NXPH1: variants seen among roughly 807,000 people sequenced by gnomAD.
NXPH1 encodes neurexophilin-1.
Under a neutral mutation model 23.7 loss-of-function variants are expected in NXPH1, and 5 were observed. The observed-to-expected ratio is 0.21, with a 90% CI of 0.11 to 0.44. The LOEUF (loss-of-function observed/expected upper bound fraction) is 0.44, where lower values mean the gene tolerates loss of function less well. Ranked by LOEUF, NXPH1 falls within the 20% of genes least tolerant of loss-of-function variation. NXPH1 has a pLI of 0.99. For synonymous variants in NXPH1, 144 were observed against 122.2 expected (o/e 1.18, Z -1.18); for missense variants, 324 against 321.6 (o/e 1.01, Z -0.06).
chr7:8,584,127 T>C (rs192555136), intron 2 of NXPH1, among the ~76,000 whole-genome samples: 4 of 152,350 alleles, frequency 2.6e-5, no homozygotes, highest in Non-Finnish European at 5.9e-5. Context: ...AGGTAAGTAC[T>C]ATTATTATCC....
chr7:8,715,361 C>T (rs1779860965), intron 2 of NXPH1, among the ~76,000 whole-genome samples: 1 of 152,154 alleles, frequency 6.6e-6, no homozygotes, highest in Non-Finnish European at 1.5e-5. Context: ...CTCTTCAGTG[C>T]CTCTTTCAGT....
chr7:8,730,177 G>C (rs1306239520), intron 2 of NXPH1, among the ~76,000 whole-genome samples: 1 of 147,488 alleles, frequency 6.8e-6, no homozygotes, highest in African/African-American at 2.5e-5. Flanking sequence ...GCCTTTTTTT[G>C]TTTTCCATTT....
chr7:8,598,722 G>C (rs182471091), intron 2 of NXPH1, among the ~76,000 whole-genome samples: 1 of 152,136 alleles, frequency 6.6e-6, no homozygotes, highest in South Asian at 2.1e-4. Context: ...TTATTGTCAT[G>C]ATCTGCAGGG....
intron 2 of NXPH1, among the ~76,000 whole-genome samples, chr7:8,544,967 T>C (rs1432040501): frequency 6.6e-6 from 1 of 151,594 alleles, no homozygotes; most frequent in Non-Finnish European, 1.5e-5. Flanking sequence ...AGCGTGACCT[T>C]AACAGAATAG....
At chr7:8,704,648 A>G (rs1003198216) in intron 2 of NXPH1, among the ~76,000 whole-genome samples, 17 of 152,184 alleles carry the variant, frequency 1.1e-4, no homozygotes, top group Non-Finnish European at 2.4e-4. Flanking sequence ...GCCAATTAGC[A>G]TGGAGCATTT....
chr7:8,470,680 G>GGCAT (rs1391823704), intron 2 of NXPH1, among the ~76,000 whole-genome samples: 1 of 152,118 alleles, frequency 6.6e-6, no homozygotes, highest in Non-Finnish European at 1.5e-5. Context: ...CTCTTGCTTA[G>GGCAT]GCATTTCATA....
At chr7:8,466,777 A>G (rs1816793261) in intron 2 of NXPH1, among the ~76,000 whole-genome samples, 1 of 152,106 alleles carries the variant, frequency 6.6e-6, no homozygotes. Context: ...CTTGTCTTGA[A>G]AATTTACTTT....
chr7:8,634,673 T>G (rs934444787), intron 2 of NXPH1, among the ~76,000 whole-genome samples: 12 of 141,596 alleles, frequency 8.5e-5, no homozygotes, highest in Admixed American at 4.9e-4. Flanking sequence ...GAGTTTTTTT[T>G]TTTTTTTTTT....
chr7:8,478,611 T>G (rs1817016602), intron 2 of NXPH1, among the ~76,000 whole-genome samples: 1 of 152,088 alleles, frequency 6.6e-6, no homozygotes, highest in South Asian at 2.1e-4. Flanking sequence ...AAGAAAACTT[T>G]CCAGAAATAA....
intron 2 of NXPH1, among the ~76,000 whole-genome samples, chr7:8,571,510 T>G (rs1818647426): frequency 6.6e-6 from 1 of 151,670 alleles, no homozygotes; most frequent in Non-Finnish European, 1.5e-5. Flanking sequence ...AGAAATGGAT[T>G]GAGGAAAAAG....
intron 2 of NXPH1, among the ~76,000 whole-genome samples, chr7:8,509,837 C>A (rs1164686877): frequency 6.6e-6 from 1 of 152,078 alleles, no homozygotes; most frequent in Non-Finnish European, 1.5e-5. Flanking sequence ...GTGTGGTGAG[C>A]AATGGGAAGC....
intron 2 of NXPH1, among the ~76,000 whole-genome samples, chr7:8,719,950 A>T (rs1341839378): frequency 2.6e-5 from 4 of 152,288 alleles, no homozygotes; most frequent in Middle Eastern, 3.4e-3. Context: ...AGAATAAGAA[A>T]ATTTAGATTC....
intron 2 of NXPH1, among the ~76,000 whole-genome samples, chr7:8,510,687 G>A (rs1474061817): frequency 2.0e-5 from 3 of 152,052 alleles, no homozygotes; most frequent in Non-Finnish European, 4.4e-5. Context: ...ATAATGTATA[G>A]GAATAGGTAA....
At chr7:8,573,277 T>G (rs1472310499) in intron 2 of NXPH1, among the ~76,000 whole-genome samples, 1 of 152,130 alleles carries the variant, frequency 6.6e-6, no homozygotes, top group Non-Finnish European at 1.5e-5. Flanking sequence ...TGGGTTTTTA[T>G]GTACTGATAA....
intron 2 of NXPH1, among the ~76,000 whole-genome samples, chr7:8,729,837 C>T (rs887917242): frequency 6.6e-6 from 1 of 151,632 alleles, no homozygotes; most frequent in East Asian, 1.9e-4. Flanking sequence ...GTGGAGAGTT[C>T]TGTAGATGTC....
intron 2 of NXPH1, among the ~76,000 whole-genome samples, chr7:8,483,563 C>T (rs932756785): frequency 5.3e-4 from 80 of 152,148 alleles, no homozygotes; most frequent in African/African-American, 1.9e-3. Flanking sequence ...CCCAGCTCAG[C>T]CTCCCAAACG....
At chr7:8,514,056 T>C (rs1817653677) in intron 2 of NXPH1, among the ~76,000 whole-genome samples, 1 of 152,124 alleles carries the variant, frequency 6.6e-6, no homozygotes, top group Non-Finnish European at 1.5e-5. Flanking sequence ...TGTTCCTTTT[T>C]ATAAAGACAT....
chr7:8,480,890 G>A (rs1179772629), intron 2 of NXPH1, among the ~76,000 whole-genome samples: 1 of 152,194 alleles, frequency 6.6e-6, no homozygotes, highest in Non-Finnish European at 1.5e-5. Context: ...TTTAGTTGTT[G>A]TCAAGATGGA....
chr7:8,433,968 T>C lies in NXPH1; in HGVS notation c.-898T>C, dbSNP rs1816143253. 1 of 152,234 alleles carries C rather than the reference T, an allele frequency of 6.6e-6. No homozygotes were observed. 9.4% of individuals were successfully genotyped at this position (152,234 alleles called of 1,614,324 possible). ...ACCCACGTGCCAAAGTAATTGTCCGTGTCAGGAAGGTAGGCGTGCCAAGCC... is the reference window on the plus strand; with the variant it reads ...ACCCACGTGCCAAAGTAATTGTCCGCGTCAGGAAGGTAGGCGTGCCAAGCC... On this transcript the variant is annotated 5_prime_UTR_variant, in exon 1 of 3. Transcript: ENST00000405863. The surrounding 1 kb of genome is among the most constrained non-coding windows in gnomAD (Gnocchi z 6.8).
Sources: gnomAD v4.1 joint callset for allele counts (sites outside exome capture counted in the v4.1 genomes callset) on GRCh38, gnomAD v4.1.1 for gene constraint, Gnocchi (gnomAD v3.1) non-coding constraint, MANE v1.5 for transcripts, NCBI Gene and HGNC (gene_info 2026-07-23, HGNC 2026-07-21) for gene names.